The following STXBP5L variants were observed in gnomAD, a reference collection of about 807,000 sequenced individuals.
STXBP5L encodes the protein syntaxin binding protein 5L.
Under a neutral mutation model 144.5 loss-of-function variants are expected in STXBP5L, and 65 were observed. The ratio of observed to expected loss-of-function variants is 0.45; its 90% CI spans 0.37 to 0.55. STXBP5L has a LOEUF of 0.55. STXBP5L is among the 20% of genes least tolerant of loss of function. STXBP5L has a pLI of 0.00. For missense variants in STXBP5L, 1,298 were observed against 1,405.5 expected (o/e 0.92, Z 1.22); for synonymous variants, 505 against 469.6 (o/e 1.08, Z -0.97).
intron 3 of STXBP5L, among the ~76,000 whole-genome samples, chr3:121,005,571 A>T (rs1944219934): frequency 1.3e-5 from 2 of 151,820 alleles, no homozygotes; most frequent in African/African-American, 2.4e-5. Context: ...CTCTGATCTT[A>T]GTTATTTCTT....
intron 7 of STXBP5L, among the ~76,000 whole-genome samples, chr3:121,135,257 GT>G (rs1175019914): frequency 1.3e-5 from 2 of 152,090 alleles, no homozygotes; most frequent in Non-Finnish European, 2.9e-5. Flanking sequence ...GGTGTTGTTT[GT>G]TTTCTTTTCT....
chr3:120,962,410 G>T (rs1199466557), intron 3 of STXBP5L, among the ~76,000 whole-genome samples: 1 of 152,136 alleles, frequency 6.6e-6, no homozygotes, highest in Non-Finnish European at 1.5e-5. Flanking sequence ...ATGGTTTTAG[G>T]TCTCACATGT....
chr3:120,927,603 A>C (rs1370055608), intron 2 of STXBP5L, among the ~76,000 whole-genome samples: 1 of 152,196 alleles, frequency 6.6e-6, no homozygotes, highest in Non-Finnish European at 1.5e-5. Context: ...AAATTTTCTT[A>C]GCTCTTGGTG....
chr3:121,387,865 G>C (rs1290042869), intron 22 of STXBP5L, among the ~76,000 whole-genome samples: 1 of 152,102 alleles, frequency 6.6e-6, no homozygotes, highest in Non-Finnish European at 1.5e-5. Context: ...TTTTTGCTTA[G>C]GATTGTCTTG....
intron 3 of STXBP5L, among the ~76,000 whole-genome samples, chr3:120,993,127 G>T (rs1218874622): frequency 6.6e-6 from 1 of 151,902 alleles, no homozygotes; most frequent in Non-Finnish European, 1.5e-5. Flanking sequence ...CTGGTCTTTT[G>T]CCCAGTTTTT....
At chr3:121,412,727 CAAAAAAAAAAAAAA>C (rs35247157) in intron 23 of STXBP5L, among the ~76,000 whole-genome samples, 1 of 69,592 alleles carries the variant, frequency 1.4e-5, no homozygotes, top group Admixed American at 1.7e-4. Context: ...TTTCTCCCTC[CAAAAAAAAAAAAAA>C]AAAAAAAACA....
intron 9 of STXBP5L, among the ~76,000 whole-genome samples, chr3:121,177,298 A>G (rs930653925): frequency 2.6e-5 from 4 of 152,144 alleles, no homozygotes; most frequent in African/African-American, 9.7e-5. Flanking sequence ...ATCAAAGAAC[A>G]CAATCAACAA....
intron 9 of STXBP5L, among the ~76,000 whole-genome samples, chr3:121,180,041 G>A (rs188701972): frequency 9.9e-5 from 15 of 152,180 alleles, no homozygotes; most frequent in South Asian, 4.2e-4. Flanking sequence ...AAACTTTCCC[G>A]GCCTTACTAG....
intron 10 of STXBP5L, 112 bp from the exon 11 acceptor site, chr3:121,222,891 G>T: frequency 1.6e-6 from 2 of 1,213,778 alleles, no homozygotes; most frequent in Middle Eastern, 2.9e-4. Context: ...GTTTTTTGCT[G>T]TCTGTCATGT....
At chr3:121,014,741 C>T (rs558266636) in intron 3 of STXBP5L, among the ~76,000 whole-genome samples, 2 of 151,398 alleles carry the variant, frequency 1.3e-5, no homozygotes, top group Non-Finnish European at 2.9e-5. Context: ...CTTTCCAGTA[C>T]TTATCTGTAT....
intron 3 of STXBP5L, among the ~76,000 whole-genome samples, chr3:120,983,174 G>A (rs1212467605): frequency 6.6e-6 from 1 of 152,214 alleles, no homozygotes; most frequent in Non-Finnish European, 1.5e-5. Context: ...AGAGGCAGCA[G>A]GGATGGCAGG....
intron 20 of STXBP5L, among the ~76,000 whole-genome samples, chr3:121,361,861 T>C (rs1234779897): frequency 6.6e-6 from 1 of 152,150 alleles, no homozygotes; most frequent in African/African-American, 2.4e-5. Flanking sequence ...GTAGATGTTC[T>C]TTGGTGTGTG....
chr3:121,231,630 C>T (rs184586567), intron 11 of STXBP5L, among the ~76,000 whole-genome samples: 11 of 152,186 alleles, frequency 7.2e-5, no homozygotes, highest in South Asian at 2.1e-4. Context: ...AGAGCAAGGC[C>T]CTGCACTAGA....
intron 7 of STXBP5L, among the ~76,000 whole-genome samples, chr3:121,144,853 T>G (rs554109586): frequency 6.6e-6 from 1 of 152,062 alleles, no homozygotes; most frequent in Non-Finnish European, 1.5e-5. Context: ...TTACAGTATG[T>G]GACAACATGG....
chr3:121,054,506 G>T (rs182333481), intron 5 of STXBP5L, among the ~76,000 whole-genome samples: 1 of 147,598 alleles, frequency 6.8e-6, no homozygotes, highest in Non-Finnish European at 1.5e-5. Context: ...AGCAAACACC[G>T]CATGTTCTCA....
In STXBP5L at chr3:121,158,069, G is replaced by T. The variant is rs148880679; in HGVS notation, c.877+442G>T. On this transcript the variant is annotated intron_variant, in intron 9 of 26. Transcript: ENST00000471454. ...CATTTCTGCCATTTGATTCCAGTAA[G>T]TTATGAAGACTGTGGTTTTAATTTT... is the stretch of plus-strand genomic sequence containing the variant. 465 of 153,326 alleles carry T rather than the reference G, an allele frequency of 3.0e-3. 3 individuals are homozygous for T. The highest frequency in any genetic ancestry group is 0.01 in the African/African-American group (434 of 41,556). The allele number at this position is 153,326 out of a possible 1,614,324, so 9.5% of individuals were successfully genotyped here.
intron 5 of STXBP5L, among the ~76,000 whole-genome samples, chr3:121,073,911 A>T (rs928849472): frequency 6.6e-6 from 1 of 152,196 alleles, no homozygotes; most frequent in Admixed American, 6.5e-5. Flanking sequence ...TAAAGCCAAG[A>T]TATCTTGCCC....
At chr3:121,170,378 A>C (rs2046662212) in intron 9 of STXBP5L, among the ~76,000 whole-genome samples, 1 of 152,140 alleles carries the variant, frequency 6.6e-6, no homozygotes, top group African/African-American at 2.4e-5. Context: ...AAACATGAAA[A>C]ACCCATCAAA....
intron 3 of STXBP5L, among the ~76,000 whole-genome samples, chr3:121,032,508 C>T (rs953247288): frequency 1.3e-5 from 2 of 151,240 alleles, no homozygotes; most frequent in Non-Finnish European, 2.9e-5. Flanking sequence ...GACATAGGCA[C>T]GGGCAAGGAC....
Sources: gnomAD v4.1 joint callset for allele counts (sites outside exome capture counted in the v4.1 genomes callset) on GRCh38, gnomAD v4.1.1 for gene constraint, MANE v1.5 for transcripts, NCBI Gene and HGNC (gene_info 2026-07-23, HGNC 2026-07-21) for gene names.